The following ATOSA variants were observed in gnomAD, a reference collection of about 807,000 sequenced individuals.
ATOSA encodes the protein atos homolog protein A.
the ATOSA span, among the ~76,000 whole-genome samples, chr15:52,604,820 C>A: frequency 1.3e-5 from 2 of 151,750 alleles, no homozygotes; most frequent in African/African-American, 4.8e-5. Context: ...TGCAGATGAC[C>A]CAGTTAGTGG....
At chr15:52,662,022 A>G in the ATOSA span, among the ~76,000 whole-genome samples, 3 of 151,980 alleles carry the variant, frequency 2.0e-5, no homozygotes, top group Admixed American at 6.6e-5. Context: ...TATCGAATCT[A>G]ATCTCTTAAC....
At chr15:52,582,441 T>G in the ATOSA span, 1 of 705,898 alleles carries the variant, frequency 1.4e-6, no homozygotes, top group East Asian at 3.3e-5. Flanking sequence ...TAACATGATA[T>G]TTAAGATCTT....
chr15:52,650,145 A>T, the ATOSA span, among the ~76,000 whole-genome samples: 1 of 152,196 alleles, frequency 6.6e-6, no homozygotes, highest in Non-Finnish European at 1.5e-5. Flanking sequence ...GAAAATTGCT[A>T]GATTGACTTT....
the ATOSA span, chr15:52,678,397 A>C: frequency 3.4e-6 from 1 of 292,946 alleles, no homozygotes; most frequent in African/African-American, 2.1e-5. Flanking sequence ...TACAGGCAAG[A>C]AGAAGAAAAA....
the ATOSA span, among the ~76,000 whole-genome samples, chr15:52,583,966 G>T: frequency 9.9e-5 from 15 of 151,750 alleles, no homozygotes; most frequent in African/African-American, 3.6e-4. Context: ...CCACTGCAAG[G>T]CATATATAAA....
At chr15:52,650,041 T>C in the ATOSA span, among the ~76,000 whole-genome samples, 1 of 152,186 alleles carries the variant, frequency 6.6e-6, no homozygotes, top group East Asian at 1.9e-4. Flanking sequence ...CAACATAAAA[T>C]GGGTAGCAAA....
At chr15:52,645,370 C>T in the ATOSA span, among the ~76,000 whole-genome samples, 21 of 152,152 alleles carry the variant, frequency 1.4e-4, no homozygotes, top group African/African-American at 4.8e-4. Context: ...ACCTGGGAGG[C>T]GGAGGCTGAA....
the ATOSA span, among the ~76,000 whole-genome samples, chr15:52,602,671 A>G: frequency 1.3e-5 from 2 of 152,104 alleles, no homozygotes; most frequent in African/African-American, 4.8e-5. Flanking sequence ...TTTAGGTACA[A>G]TTTCTTTCAG....
chr15:52,690,017 T>C, the ATOSA span, among the ~76,000 whole-genome samples: 1 of 152,238 alleles, frequency 6.6e-6, no homozygotes, highest in African/African-American at 2.4e-5. Context: ...TGTTAAGATT[T>C]TTTTGTGTTC....
At chr15:52,620,711 G>A in the ATOSA span, among the ~76,000 whole-genome samples, 2 of 152,142 alleles carry the variant, frequency 1.3e-5, no homozygotes, top group African/African-American at 2.4e-5. Context: ...CATATTGGGA[G>A]GCTGAGGCAG....
the ATOSA span, among the ~76,000 whole-genome samples, chr15:52,682,319 C>T: frequency 6.6e-6 from 1 of 152,112 alleles, no homozygotes; most frequent in African/African-American, 2.4e-5. Context: ...ACTCCCATCC[C>T]CCATCTGTGA....
chr15:52,643,913 A>AAAAC, the ATOSA span, among the ~76,000 whole-genome samples: 14 of 151,522 alleles, frequency 9.2e-5, no homozygotes, highest in Non-Finnish European at 8.8e-5. Flanking sequence ...ATTCAGTCTC[A>AAAAC]AAACAAACAA....
chr15:52,595,500 T>C, the ATOSA span, among the ~76,000 whole-genome samples: 5 of 149,778 alleles, frequency 3.3e-5, no homozygotes, highest in Non-Finnish European at 5.9e-5. Flanking sequence ...GTAAATTTAA[T>C]ATACAAGCAT....
At chr15:52,675,452 T>C in the ATOSA span, among the ~76,000 whole-genome samples, 1 of 152,210 alleles carries the variant, frequency 6.6e-6, no homozygotes, top group African/African-American at 2.4e-5. Context: ...CACCCAATCA[T>C]GTACGATAAG....
chr15:52,699,086 G>A, the ATOSA span, among the ~76,000 whole-genome samples: 1 of 152,186 alleles, frequency 6.6e-6, no homozygotes, highest in African/African-American at 2.4e-5. Context: ...CTGCATAAAT[G>A]CACAGTACTA....
At chr15:52,708,413 C>G in the ATOSA span, among the ~76,000 whole-genome samples, 1 of 152,160 alleles carries the variant, frequency 6.6e-6, no homozygotes, top group African/African-American at 2.4e-5. Context: ...CTGCAGGACA[C>G]AAACTCTCCT....
chr15:52,618,403 A>C, the ATOSA span, among the ~76,000 whole-genome samples: 2,023 of 152,278 alleles, frequency 0.013, 59 homozygotes, highest in African/African-American at 0.047. Context: ...ACCACTGTAC[A>C]TATCCTAAAG....
At chr15:52,601,030 A>G in the ATOSA span, 1 of 1,074,308 alleles carries the variant, frequency 9.3e-7, no homozygotes, top group Non-Finnish European at 1.4e-6. Context: ...ATTGTTAAAG[A>G]CCAGAATTTT....
At chr15:52,674,799 T>C in the ATOSA span, among the ~76,000 whole-genome samples, 297 of 151,780 alleles carry the variant, frequency 2.0e-3, 3 homozygotes, top group Admixed American at 3.8e-3. Flanking sequence ...ATATAAGCAT[T>C]TGTAATGCTT....
Sources: allele counts gnomAD v4.1 joint callset (sites outside exome capture counted in the v4.1 genomes callset), GRCh38; gene constraint gnomAD v4.1.1; transcripts MANE v1.5; gene names NCBI Gene and HGNC (gene_info 2026-07-23, HGNC 2026-07-21).